The following DLGAP2 variants were observed in gnomAD, a reference collection of about 807,000 sequenced individuals.
DLGAP2 encodes DLG associated protein 2.
Under a neutral mutation model 100.3 loss-of-function variants are expected in DLGAP2, and 26 were observed. The ratio of observed to expected loss-of-function variants is 0.26; its 90% CI spans 0.19 to 0.36. The LOEUF is 0.36. Among genes scored for constraint, DLGAP2 ranks in the 10% least tolerant of loss-of-function variants. DLGAP2 has a pLI of 1.00. For missense variants in DLGAP2, 1,858 were observed against 1,453.2 expected (o/e 1.28, Z -4.53); for synonymous variants, 886 against 630.1 (o/e 1.41, Z -6.08).
At chr8:913,503 C>T (rs759526701) in intron 2 of DLGAP2, among the ~76,000 whole-genome samples, 4 of 152,194 alleles carry the variant, frequency 2.6e-5, no homozygotes, top group Non-Finnish European at 5.9e-5. Context: ...CCATTAGTGT[C>T]ACACCTCTGT....
intron 1 of DLGAP2, among the ~76,000 whole-genome samples, chr8:904,627 C>T (rs945496047): frequency 6.6e-6 from 1 of 152,162 alleles, no homozygotes; most frequent in East Asian, 1.9e-4. Context: ...TGAGGAGGGC[C>T]CTGCTCAGGC....
At chr8:1,316,498 C>G (rs1800753649) in intron 3 of DLGAP2, among the ~76,000 whole-genome samples, 1 of 127,166 alleles carries the variant, frequency 7.9e-6, no homozygotes, top group South Asian at 2.7e-4. Flanking sequence ...TGCAGCGTCT[C>G]TCCAACAGTG....
intron 1 of DLGAP2, among the ~76,000 whole-genome samples, chr8:901,758 C>A (rs541440431): frequency 3.3e-5 from 5 of 152,328 alleles, no homozygotes; most frequent in Admixed American, 3.3e-4. Flanking sequence ...GCTGTGGCAG[C>A]GTCGTTCTCC....
rs140586394 is a variant in DLGAP2 at position 850,071 on chromosome 8, A to C, written c.19-57841A>C. 5.8e-3 allele frequency among the ~76,000 whole-genome samples: 877 copies of C among 151,938 alleles called. 6 individuals are homozygous for C. Among genetic ancestry groups the C allele is most frequent in the African/African-American group, 0.02 (826 of 41,414 alleles). On this transcript the variant is annotated intron_variant, in intron 1 of 14. Coordinates refer to ENST00000637795, the MANE Select transcript of DLGAP2 (RefSeq NM_001346810.2). Reference sequence around the variant, plus strand: ...GAAGGAGACTGTCTAAAAAAAAAAAAAAAAAAACTAGGTTGTTTGTATTTT... The same window carrying C: ...GAAGGAGACTGTCTAAAAAAAAAAACAAAAAAACTAGGTTGTTTGTATTTT...
chr8:1,317,093 G>T (rs867226578), intron 3 of DLGAP2, among the ~76,000 whole-genome samples: 63 of 103,478 alleles, frequency 6.1e-4, no homozygotes, highest in East Asian at 2.4e-3. Flanking sequence ...ACTCGGCAGC[G>T]TTTAAAAATA....
chr8:1,310,190 C>T (rs1311874432), intron 3 of DLGAP2, among the ~76,000 whole-genome samples: 1 of 151,350 alleles, frequency 6.6e-6, no homozygotes, highest in Non-Finnish European at 1.5e-5. Flanking sequence ...AATATATACG[C>T]AACAGGAAAT....
chr8:1,355,659 G>A (rs943277176), intron 3 of DLGAP2, among the ~76,000 whole-genome samples: 3 of 152,096 alleles, frequency 2.0e-5, no homozygotes, highest in Admixed American at 2.0e-4. Flanking sequence ...CACCGCACCT[G>A]GCCAAGTACG....
Position 1,669,794 on chromosome 8 carries a change from G to GA in DLGAP2, c.2202+13dup. The GA allele has an allele frequency of 1.3e-6, 1 of 780,896 alleles. No homozygotes were observed. The highest frequency in any genetic ancestry group is 1.7e-5 in the Admixed American group (1 of 59,034). 48.4% of individuals were successfully genotyped at this position (780,896 alleles called of 1,614,324 possible). On this transcript the variant is annotated intron_variant, in intron 10 of 14. Coordinates refer to ENST00000637795, the MANE Select transcript of DLGAP2 (RefSeq NM_001346810.2). ...ATACCCAAGGTCAGATGTAAGTACC[G>GA]AAATGTGCTCCAAAGCCGCGTCCGC...
chr8:1,266,285 C>T, intron 3 of DLGAP2, among the ~76,000 whole-genome samples: 1 of 152,202 alleles, frequency 6.6e-6, no homozygotes, highest in East Asian at 1.9e-4. Flanking sequence ...AGCACTTACC[C>T]AAGCAGCCAT....
chr8:1,669,922 G>C (rs942934530), intron 10 of DLGAP2, 138 bp downstream of exon 10: 3 of 685,806 alleles, frequency 4.4e-6, no homozygotes, highest in South Asian at 3.3e-5. Flanking sequence ...GCTCCCATCT[G>C]TCCCCCTTAG....
intron 2 of DLGAP2, among the ~76,000 whole-genome samples, chr8:1,024,316 ACCCCAGCCACCACCCACC>A (rs1563150494): frequency 1.0e-4 from 11 of 107,362 alleles, no homozygotes; most frequent in Non-Finnish European, 1.5e-4. Flanking sequence ...CGAGGCAGAC[ACCCCAGCCACCACCCACC>A]CTCCCTGGGG....
chr8:1,389,718 C>T (rs1315766883), intron 3 of DLGAP2, among the ~76,000 whole-genome samples: 2 of 152,146 alleles, frequency 1.3e-5, no homozygotes, highest in Non-Finnish European at 2.9e-5. Flanking sequence ...CCAAGGACAG[C>T]TGTTTTCCAG....
At position 1,316,813 on chromosome 8, in the gene DLGAP2, G is replaced by A. The variant is rs992437358; in HGVS notation, c.106+57930G>A. 1.2e-4 allele frequency among the ~76,000 whole-genome samples: 16 copies of A among 134,116 alleles called. 1 individual carries two copies. Among genetic ancestry groups the A allele is most frequent in the East Asian group, 2.6e-4 (1 of 3,808 alleles). The allele number at this position is 134,116 out of a possible 152,430, so 88.0% of individuals were successfully genotyped here. A position where few individuals can be genotyped will look rare whatever the true frequency, so the allele number is the denominator to read the frequency against. On this transcript the variant is annotated intron_variant, in intron 3 of 14. Transcript: ENST00000637795. ...GTCTACACTCGAGAAACTCGGTAGC[G>A]TTTAAAAATAGAGCCTGTGCGAGTG...
chr8:1,449,269 C>T (rs188731441), intron 3 of DLGAP2, among the ~76,000 whole-genome samples: 13 of 152,226 alleles, frequency 8.5e-5, no homozygotes, highest in East Asian at 7.7e-4. Context: ...CTGGTGATTC[C>T]GGGGTAATTG....
At chr8:869,658 T>G (rs1319613047) in intron 1 of DLGAP2, among the ~76,000 whole-genome samples, 1 of 152,190 alleles carries the variant, frequency 6.6e-6, no homozygotes, top group Non-Finnish European at 1.5e-5. Flanking sequence ...AAAGACTCCT[T>G]AGTCTTAATG....
intron 1 of DLGAP2, among the ~76,000 whole-genome samples, chr8:768,676 G>T (rs1041894287): frequency 6.6e-6 from 1 of 151,740 alleles, no homozygotes; most frequent in Admixed American, 6.6e-5. Flanking sequence ...TGCCCGCCTC[G>T]GCCTCCCAAA....
At chr8:1,671,974 A>T (rs533319505) in intron 10 of DLGAP2, among the ~76,000 whole-genome samples, 2 of 152,158 alleles carry the variant, frequency 1.3e-5, no homozygotes, top group Non-Finnish European at 2.9e-5. Flanking sequence ...GCTTTTCTTC[A>T]TTCCAATTGG....
At chr8:1,210,581 T>C (rs1585155529) in intron 2 of DLGAP2, among the ~76,000 whole-genome samples, 1 of 152,246 alleles carries the variant, frequency 6.6e-6, no homozygotes, top group East Asian at 1.9e-4. Flanking sequence ...CAGAGAAGTT[T>C]CTCTGGCAGG....
At chr8:1,586,207 G>A (rs1218330084) in intron 6 of DLGAP2, among the ~76,000 whole-genome samples, 5 of 152,226 alleles carry the variant, frequency 3.3e-5, no homozygotes, top group African/African-American at 7.2e-5. Context: ...CTGAGGTGTC[G>A]GCCGTTGGCC....
Sources: gnomAD v4.1 joint callset for allele counts (sites outside exome capture counted in the v4.1 genomes callset) on GRCh38, gnomAD v4.1.1 for gene constraint, MANE v1.5 for transcripts, NCBI Gene and HGNC (gene_info 2026-07-23, HGNC 2026-07-21) for gene names.